Variants in PLXNA4 observed in about 807,000 individuals in gnomAD.
The protein encoded by PLXNA4 is plexin-A4.
Under a neutral mutation model 191.8 loss-of-function variants are expected in PLXNA4, and 44 were observed. That is an observed-to-expected ratio of 0.23 (90% CI 0.18 to 0.29). The LOEUF is 0.29. PLXNA4 is among the 10% of genes least tolerant of loss of function. PLXNA4 has a pLI of 1.00. For synonymous variants in PLXNA4, 1,082 were observed against 1,009.5 expected (o/e 1.07, Z -1.36); for missense variants, 1,800 against 2,488.8 (o/e 0.72, Z 5.89).
intron 19 of PLXNA4, 102 bp downstream of exon 19, chr7:132,180,484 C>A (rs1796668077): frequency 1.8e-5 from 28 of 1,537,866 alleles, no homozygotes; most frequent in Non-Finnish European, 2.4e-5. Flanking sequence ...AGGAAAAGTT[C>A]TTTGTGGGAC....
chr7:132,478,755 G>T (rs189741051), intron 3 of PLXNA4, among the ~76,000 whole-genome samples: 1 of 152,134 alleles, frequency 6.6e-6, no homozygotes, highest in Admixed American at 6.5e-5. Context: ...ATGAGGGCAG[G>T]TCGTCAGGTG....
chr7:132,144,854 CAA>C (rs1311279965), intron 29 of PLXNA4, among the ~76,000 whole-genome samples: 1 of 152,110 alleles, frequency 6.6e-6, no homozygotes, highest in Non-Finnish European at 1.5e-5. Flanking sequence ...TCAGCTGGTT[CAA>C]TAAATGTTTG....
intron 3 of PLXNA4, among the ~76,000 whole-genome samples, chr7:132,424,908 CA>C (rs1343890827): frequency 2.0e-5 from 3 of 152,244 alleles, no homozygotes; most frequent in African/African-American, 7.2e-5. Flanking sequence ...ACGCATCGTC[CA>C]GCTCACCCAT....
intron 14 of PLXNA4, among the ~76,000 whole-genome samples, chr7:132,191,772 A>ATCTCTCTTTCTC (rs1797095569): frequency 7.0e-6 from 1 of 142,662 alleles, no homozygotes; most frequent in Non-Finnish European, 1.5e-5. Context: ...TCCTCTCTCC[A>ATCTCTCTTTCTC]TCTCTCTCTC....
At chr7:132,584,068 T>C (rs1802460570) in intron 2 of PLXNA4, among the ~76,000 whole-genome samples, 1 of 152,190 alleles carries the variant, frequency 6.6e-6, no homozygotes, top group South Asian at 2.1e-4. Context: ...CCAGCACACT[T>C]CTGGCAGGGT....
intron 3 of PLXNA4, among the ~76,000 whole-genome samples, chr7:132,325,362 C>G (rs73434846): frequency 3.7e-4 from 56 of 152,300 alleles, no homozygotes; most frequent in African/African-American, 1.3e-3. Flanking sequence ...CTGGACAAGT[C>G]TCTAGCACCC....
chr7:132,158,321 C>T (rs910658917), intron 25 of PLXNA4, among the ~76,000 whole-genome samples: 10 of 152,104 alleles, frequency 6.6e-5, no homozygotes, highest in African/African-American at 9.7e-5. Context: ...CATAGATGCC[C>T]GTCTGTCTTG....
chr7:132,181,045 C>T (rs1237357057), intron 18 of PLXNA4, among the ~76,000 whole-genome samples: 3 of 152,166 alleles, frequency 2.0e-5, no homozygotes, highest in African/African-American at 4.8e-5. Flanking sequence ...ACCTGTAACC[C>T]ATGTTCCAAA....
intron 2 of PLXNA4, among the ~76,000 whole-genome samples, chr7:132,630,041 A>G (rs1388968660): frequency 3.3e-5 from 5 of 152,186 alleles, no homozygotes; most frequent in African/African-American, 1.2e-4. Flanking sequence ...TAGTAGAGAC[A>G]GGGTTCCACT....
At chr7:132,301,410 T>G (rs1301192178) in intron 3 of PLXNA4, among the ~76,000 whole-genome samples, 1 of 152,332 alleles carries the variant, frequency 6.6e-6, no homozygotes, top group East Asian at 1.9e-4. Flanking sequence ...GCATTTTATA[T>G]ATATTTATTT....
chr7:132,246,992 G>A (rs937577207), intron 4 of PLXNA4, among the ~76,000 whole-genome samples: 1 of 152,188 alleles, frequency 6.6e-6, no homozygotes. Context: ...TGAGCCCATT[G>A]CTTGGGGACC....
intron 2 of PLXNA4, among the ~76,000 whole-genome samples, chr7:132,630,744 C>G (rs1195735447): frequency 6.6e-6 from 1 of 152,184 alleles, no homozygotes; most frequent in Non-Finnish European, 1.5e-5. Flanking sequence ...ATCTCCTGAC[C>G]TTGTGATCCG....
intron 2 of PLXNA4, among the ~76,000 whole-genome samples, chr7:132,630,901 C>T (rs1803479995): frequency 6.6e-6 from 1 of 152,192 alleles, no homozygotes; most frequent in Non-Finnish European, 1.5e-5. Flanking sequence ...CCTGGTATTC[C>T]TCAAGAATGA....
intron 1 of PLXNA4, among the ~76,000 whole-genome samples, chr7:132,548,839 T>G (rs1800425532): frequency 6.6e-6 from 1 of 152,120 alleles, no homozygotes; most frequent in Non-Finnish European, 1.5e-5. Context: ...CAGGATGTGG[T>G]GAAGAAGCTG....
chr7:132,406,030 C>G (rs1194748744), intron 3 of PLXNA4, among the ~76,000 whole-genome samples: 2 of 152,230 alleles, frequency 1.3e-5, no homozygotes, highest in Non-Finnish European at 2.9e-5. Context: ...AGGGCAGTGA[C>G]AATGACTCAA....
At chr7:132,334,239 T>C (rs995119849) in intron 3 of PLXNA4, among the ~76,000 whole-genome samples, 3 of 128,220 alleles carry the variant, frequency 2.3e-5, no homozygotes, top group African/African-American at 9.7e-5. Flanking sequence ...TCTTTTCTTT[T>C]CTTTCTTTCT....
At chr7:132,142,735 C>G (rs917354611) in intron 29 of PLXNA4, among the ~76,000 whole-genome samples, 2 of 152,218 alleles carry the variant, frequency 1.3e-5, no homozygotes, top group African/African-American at 4.8e-5. Context: ...AAGTAGGGGT[C>G]ATTCCAGCTG....
Position 132,189,011 on chromosome 7 carries a change from A to AAAG in PLXNA4, c.2857-1405_2857-1404insCTT, listed in dbSNP as rs1483955843. ...AAGGAAAGGAGAGAGAGAGAGAGAGAGAGAGAGAGAGAGAGAGAAAGAGAG... is the reference window on the plus strand; with the variant it reads ...AAGGAAAGGAGAGAGAGAGAGAGAGAAAGGAGAGAGAGAGAGAGAGAAAGAGAG... On this transcript the variant is annotated intron_variant, in intron 14 of 31. Coordinates refer to ENST00000321063, the MANE Select transcript of PLXNA4 (RefSeq NM_020911.2). Among the ~76,000 whole-genome samples the AAAG allele has an allele frequency of 6.0e-3, 461 of 76,586 alleles. 7 individuals carry two copies. The highest frequency in any genetic ancestry group is 6.8e-3 in the Non-Finnish European group (252 of 36,940). The allele number at this position is 76,586 out of a possible 152,430, so 50.2% of individuals were successfully genotyped here. A position where few individuals can be genotyped will look rare whatever the true frequency, so the allele number is the denominator to read the frequency against.
intron 9 of PLXNA4, among the ~76,000 whole-genome samples, chr7:132,215,126 C>T (rs1247265182): frequency 2.0e-5 from 3 of 152,206 alleles, no homozygotes; most frequent in Non-Finnish European, 4.4e-5. Flanking sequence ...TATTCCACTC[C>T]TCTGGGCTTC....
Sources: allele counts gnomAD v4.1 joint callset (sites outside exome capture counted in the v4.1 genomes callset), GRCh38; gene constraint gnomAD v4.1.1; transcripts MANE v1.5; gene names NCBI Gene and HGNC (gene_info 2026-07-23, HGNC 2026-07-21).